PPFIA2: variants seen among roughly 807,000 people sequenced by gnomAD.
PPFIA2 encodes liprin-alpha-2.
PPFIA2 carries 46 observed loss-of-function variants against 175.5 expected under a neutral mutation model. That is an observed-to-expected ratio of 0.26 (90% confidence interval 0.21 to 0.34). The LOEUF is 0.34. Among genes scored for constraint, PPFIA2 ranks in the 10% least tolerant of loss-of-function variants. The pLI is 1.00. For missense variants in PPFIA2, 1,179 were observed against 1,506.1 expected (o/e 0.78, Z 3.60); for synonymous variants, 568 against 511.4 (o/e 1.11, Z -1.49).
chr12:81,745,673 G>A (rs2153659057), intron 3 of PPFIA2, among the ~76,000 whole-genome samples: 1 of 152,232 alleles, frequency 6.6e-6, no homozygotes, highest in African/African-American at 2.4e-5. Context: ...CCCCTCATGA[G>A]GACCGCAGTT....
At chr12:81,691,441 GA>G (rs2075231588) in intron 3 of PPFIA2, among the ~76,000 whole-genome samples, 1 of 152,054 alleles carries the variant, frequency 6.6e-6, no homozygotes, top group African/African-American at 2.4e-5. Flanking sequence ...TGTGTGGGAG[GA>G]CTCTGCCTTA....
At chr12:81,554,220 A>G (rs2068446025) in intron 4 of PPFIA2, among the ~76,000 whole-genome samples, 1 of 152,032 alleles carries the variant, frequency 6.6e-6, no homozygotes, top group African/African-American at 2.4e-5. Context: ...CTAGGAGATA[A>G]AATTTGTAGG....
intron 4 of PPFIA2, among the ~76,000 whole-genome samples, chr12:81,512,650 C>T (rs1202955930): frequency 4.6e-5 from 7 of 151,940 alleles, no homozygotes; most frequent in Non-Finnish European, 8.8e-5. Context: ...GAGCAATATA[C>T]TGTATACTCA....
chr12:81,718,668 T>A (rs111267745), intron 3 of PPFIA2, among the ~76,000 whole-genome samples: 50 of 151,804 alleles, frequency 3.3e-4, no homozygotes, highest in African/African-American at 1.2e-3. Flanking sequence ...CTAAAATGTA[T>A]GGAAAGTGAC....
chr12:81,308,459 G>GA (rs2049902707), intron 22 of PPFIA2, among the ~76,000 whole-genome samples: 1 of 152,136 alleles, frequency 6.6e-6, no homozygotes, highest in Admixed American at 6.5e-5. Flanking sequence ...ATCAGAATTT[G>GA]AACCCCAATA....
chr12:81,647,337 A>G (rs1269652976), intron 4 of PPFIA2, among the ~76,000 whole-genome samples: 1 of 152,204 alleles, frequency 6.6e-6, no homozygotes, highest in African/African-American at 2.4e-5. Flanking sequence ...GACAGTATCA[A>G]ATGGTCTTAT....
intron 4 of PPFIA2, among the ~76,000 whole-genome samples, chr12:81,507,460 A>C (rs546434462): frequency 6.6e-6 from 1 of 152,132 alleles, no homozygotes; most frequent in African/African-American, 2.4e-5. Context: ...ATTGAGTTTT[A>C]TATGTACCTC....
intron 4 of PPFIA2, among the ~76,000 whole-genome samples, chr12:81,612,216 G>A (rs1340893395): frequency 2.6e-5 from 4 of 151,658 alleles, no homozygotes; most frequent in Non-Finnish European, 5.9e-5. Flanking sequence ...CTACTTCCTG[G>A]GCTTTTACTT....
chr12:81,491,296 T>C (rs1279582398), intron 4 of PPFIA2, among the ~76,000 whole-genome samples: 1 of 151,992 alleles, frequency 6.6e-6, no homozygotes, highest in Non-Finnish European at 1.5e-5. Context: ...TTAATTCATT[T>C]TACAGGTAGG....
At chr12:81,599,814 T>C (rs1485755843) in intron 4 of PPFIA2, among the ~76,000 whole-genome samples, 1 of 151,904 alleles carries the variant, frequency 6.6e-6, no homozygotes, top group Non-Finnish European at 1.5e-5. Context: ...ACCTTGATGG[T>C]CTGGAGAGGA....
At chr12:81,439,091 T>C (rs2049633758) in intron 7 of PPFIA2, among the ~76,000 whole-genome samples, 1 of 151,640 alleles carries the variant, frequency 6.6e-6, no homozygotes, top group Non-Finnish European at 1.5e-5. Context: ...TGCAGCCTTA[T>C]AAATGTCAGA....
Position 81,409,375 on chromosome 12 carries a change from G to T in PPFIA2, c.646-3472C>A, listed in dbSNP as rs143440428. On this transcript the variant is annotated intron_variant, in intron 7 of 32. Transcript: ENST00000549396. ...TGCCTTTGTAATGGTATTAAGAGGT[G>T]GGACCTTTAACAGGTTTTTACGGCA... Among the ~76,000 whole-genome samples, 3 of 152,216 alleles carry T rather than the reference G, an allele frequency of 2.0e-5. No individual in the cohort carries two copies. The East Asian group carries it at 5.8e-4, about 29-fold the overall frequency.
At chr12:81,503,187 C>A (rs141091834) in intron 4 of PPFIA2, among the ~76,000 whole-genome samples, 1 of 152,254 alleles carries the variant, frequency 6.6e-6, no homozygotes, top group East Asian at 1.9e-4. Context: ...CCGATGAGGA[C>A]TGTGGTAACA....
chr12:81,429,416 C>T (rs1159304760), intron 7 of PPFIA2, among the ~76,000 whole-genome samples: 3 of 151,968 alleles, frequency 2.0e-5, no homozygotes, highest in Non-Finnish European at 4.4e-5. Flanking sequence ...GAAGAGAAAA[C>T]TGACTTAGTC....
intron 4 of PPFIA2, among the ~76,000 whole-genome samples, chr12:81,660,476 G>A (rs2068620435): frequency 6.6e-6 from 1 of 152,128 alleles, no homozygotes; most frequent in South Asian, 2.1e-4. Context: ...ATGAAATGAA[G>A]TGAGAAGAGA....
At chr12:81,287,229 T>C (rs1183261655) in intron 24 of PPFIA2, among the ~76,000 whole-genome samples, 1 of 151,968 alleles carries the variant, frequency 6.6e-6, no homozygotes, top group African/African-American at 2.4e-5. Flanking sequence ...CACTGATTTG[T>C]GTAGCTTCTG....
intron 4 of PPFIA2, among the ~76,000 whole-genome samples, chr12:81,601,138 A>G (rs1388314546): frequency 6.6e-6 from 1 of 151,980 alleles, no homozygotes; most frequent in Non-Finnish European, 1.5e-5. Context: ...TGAAAATAGT[A>G]TAGATTAATG....
chr12:81,281,679 A>G (rs1252153648), intron 26 of PPFIA2, among the ~76,000 whole-genome samples: 1 of 152,106 alleles, frequency 6.6e-6, no homozygotes, highest in Non-Finnish European at 1.5e-5. Context: ...TGTATTCTCA[A>G]AAGGAATTAC....
intron 4 of PPFIA2, among the ~76,000 whole-genome samples, chr12:81,645,243 G>T (rs1020681148): frequency 2.6e-5 from 4 of 151,928 alleles, no homozygotes; most frequent in African/African-American, 9.7e-5. Flanking sequence ...CTTTTAAAAA[G>T]AAATTGAATA....
Sources: allele counts gnomAD v4.1 joint callset (sites outside exome capture counted in the v4.1 genomes callset), GRCh38; gene constraint gnomAD v4.1.1; transcripts MANE v1.5; gene names NCBI Gene and HGNC (gene_info 2026-07-23, HGNC 2026-07-21).